The following SORCS3 variants were observed in gnomAD, a reference collection of about 807,000 sequenced individuals.
SORCS3 encodes the protein VPS10 domain-containing receptor SorCS3.
SORCS3 carries 57 observed loss-of-function variants against 146.3 expected under a neutral mutation model. The observed-to-expected ratio is 0.39, with a 90% CI of 0.31 to 0.49. The LOEUF is 0.49. Ranked by LOEUF, SORCS3 falls within the 20% of genes least tolerant of loss-of-function variation. The probability of loss-of-function intolerance (pLI) is 0.92; values close to 1 mark genes in which losing one functional copy is unlikely to be tolerated. For missense variants in SORCS3, 1,341 were observed against 1,575.5 expected (o/e 0.85, Z 2.52); for synonymous variants, 653 against 618.5 (o/e 1.06, Z -0.83).
At chr10:105,003,879 G>A (rs2055076682) in intron 4 of SORCS3, among the ~76,000 whole-genome samples, 1 of 152,008 alleles carries the variant, frequency 6.6e-6, no homozygotes, top group Non-Finnish European at 1.5e-5. Flanking sequence ...TATGCTTCTT[G>A]TGGGCACTTC....
intron 4 of SORCS3, among the ~76,000 whole-genome samples, chr10:105,038,903 A>G (rs2055321897): frequency 1.3e-5 from 2 of 152,192 alleles, no homozygotes; most frequent in African/African-American, 4.8e-5. Context: ...CACAAAAGTA[A>G]TATTTATTTA....
At chr10:104,775,696 A>G (rs983636588) in intron 1 of SORCS3, among the ~76,000 whole-genome samples, 16 of 152,230 alleles carry the variant, frequency 1.1e-4, no homozygotes, top group African/African-American at 3.9e-4. Flanking sequence ...CCCTCTTGGC[A>G]GCACCATAGT....
At chr10:104,808,120 TGA>T (rs1362684074) in intron 1 of SORCS3, among the ~76,000 whole-genome samples, 1 of 151,048 alleles carries the variant, frequency 6.6e-6, no homozygotes, top group Non-Finnish European at 1.5e-5. Flanking sequence ...GTGGGGGGAG[TGA>T]GAGCAAATAT....
chr10:104,956,109 G>A lies in SORCS3; in HGVS notation c.796-21226G>A, dbSNP rs563876538. Among the ~76,000 whole-genome samples the A allele has an allele frequency of 3.9e-5, 6 of 152,224 alleles. No individual in the cohort carries two copies. In the South Asian group the frequency reaches 1.2e-3, roughly 32 times the overall value. On this transcript the variant is annotated intron_variant, in intron 3 of 26. Transcript: ENST00000369701. Reference sequence around the variant, plus strand: ...GCAATGACATCACAATGGTAACGTGGGATATTTGGGGAACTGTGATTTAGG... The same window carrying A: ...GCAATGACATCACAATGGTAACGTGAGATATTTGGGGAACTGTGATTTAGG...
intron 7 of SORCS3, among the ~76,000 whole-genome samples, chr10:105,125,108 C>T (rs1371094041): frequency 1.3e-5 from 2 of 152,106 alleles, no homozygotes; most frequent in Admixed American, 1.3e-4. Flanking sequence ...TCCTTACTTC[C>T]TCTGACATAT....
At position 104,693,781 on chromosome 10, in the gene SORCS3, C is replaced by T. The variant is rs1589460104; in HGVS notation, c.627+51827C>T. On this transcript the variant is annotated intron_variant, in intron 1 of 26. Transcript: ENST00000369701. ...TTGCTGTCAGTCCCTAGGTTGGAAA[C>T]ATTATCCAAGGAGGAGATTCTTTTA... Among the ~76,000 whole-genome samples, 2 of 152,190 alleles carry T rather than the reference C, an allele frequency of 1.3e-5. 1 individual carries two copies. The highest frequency in any genetic ancestry group is 6.8e-3 in the Middle Eastern group (2 of 294).
chr10:104,860,983 G>C (rs1246115987), intron 2 of SORCS3, among the ~76,000 whole-genome samples: 1 of 152,160 alleles, frequency 6.6e-6, no homozygotes, highest in Non-Finnish European at 1.5e-5. Context: ...CTTAAGTGAA[G>C]GATGAAGAGT....
intron 3 of SORCS3, among the ~76,000 whole-genome samples, chr10:104,951,160 A>G (rs551143045): frequency 3.3e-5 from 5 of 152,090 alleles, no homozygotes; most frequent in Non-Finnish European, 5.9e-5. Context: ...TATGTTCCCT[A>G]TAAGTTTCTA....
intron 1 of SORCS3, among the ~76,000 whole-genome samples, chr10:104,646,463 G>A (rs1163699164): frequency 6.6e-6 from 1 of 152,176 alleles, no homozygotes; most frequent in African/African-American, 2.4e-5. Context: ...TAAATCTATT[G>A]TCAGTGAAGG....
chr10:104,645,706 G>A (rs752230787), intron 1 of SORCS3, among the ~76,000 whole-genome samples: 3 of 152,158 alleles, frequency 2.0e-5, no homozygotes, highest in African/African-American at 4.8e-5. Flanking sequence ...TGCCCTGAGC[G>A]TACTAGTAGG....
chr10:105,039,723 G>A (rs1160411424), intron 4 of SORCS3, among the ~76,000 whole-genome samples: 1 of 152,018 alleles, frequency 6.6e-6, no homozygotes, highest in African/African-American at 2.4e-5. Context: ...CCAAAGTGCT[G>A]GGATTATAGG....
intron 3 of SORCS3, among the ~76,000 whole-genome samples, chr10:104,957,834 T>C (rs934269722): frequency 6.6e-6 from 1 of 152,132 alleles, no homozygotes; most frequent in Admixed American, 6.6e-5. Context: ...CTGGCAAAAT[T>C]GCTACCTTGG....
chr10:105,131,559 T>C (rs886368597), intron 7 of SORCS3, among the ~76,000 whole-genome samples: 1 of 152,152 alleles, frequency 6.6e-6, no homozygotes, highest in Non-Finnish European at 1.5e-5. Flanking sequence ...AACCCTCACA[T>C]AGAAACATCT....
intron 14 of SORCS3, among the ~76,000 whole-genome samples, chr10:105,179,403 G>C (rs2056428788): frequency 6.6e-6 from 1 of 152,218 alleles, no homozygotes; most frequent in African/African-American, 2.4e-5. Flanking sequence ...GAAAAGATGA[G>C]ATAGCACTCC....
At chr10:104,973,500 T>A (rs1330228941) in intron 3 of SORCS3, among the ~76,000 whole-genome samples, 3 of 152,034 alleles carry the variant, frequency 2.0e-5, no homozygotes, top group African/African-American at 7.2e-5. Flanking sequence ...TTTGTAGTAT[T>A]CTCTGATGGT....
intron 6 of SORCS3, among the ~76,000 whole-genome samples, chr10:105,094,170 T>A (rs1029765059): frequency 1.3e-5 from 2 of 152,174 alleles, no homozygotes; most frequent in Admixed American, 1.3e-4. Context: ...ACAAACTATA[T>A]AGATAGAGAA....
intron 1 of SORCS3, among the ~76,000 whole-genome samples, chr10:104,780,265 C>T (rs1337029139): frequency 6.6e-6 from 1 of 151,730 alleles, no homozygotes; most frequent in South Asian, 2.1e-4. Flanking sequence ...AGCATACATA[C>T]CAATATGATC....
At chr10:104,865,472 A>G (rs2018449041) in intron 2 of SORCS3, among the ~76,000 whole-genome samples, 1 of 152,216 alleles carries the variant, frequency 6.6e-6, no homozygotes, top group Non-Finnish European at 1.5e-5. Context: ...TGAGATTCTG[A>G]GAAGGGAAAT....
intron 2 of SORCS3, among the ~76,000 whole-genome samples, chr10:104,882,281 C>T: frequency 6.6e-6 from 1 of 152,256 alleles, no homozygotes; most frequent in East Asian, 1.9e-4. Context: ...AAAGGAGGTT[C>T]CCAAGTCACT....
Sources: allele counts gnomAD v4.1 joint callset (sites outside exome capture counted in the v4.1 genomes callset), GRCh38; gene constraint gnomAD v4.1.1; transcripts MANE v1.5; gene names NCBI Gene and HGNC (gene_info 2026-07-23, HGNC 2026-07-21).